Variants in CSNK1G1 observed in about 807,000 individuals in gnomAD.
The protein encoded by CSNK1G1 is casein kinase 1 gamma 1.
A neutral mutation model predicts 59.6 loss-of-function variants in CSNK1G1; 22 were observed. The ratio of observed to expected loss-of-function variants is 0.37; its 90% CI spans 0.26 to 0.53. The LOEUF is 0.53. CSNK1G1 is among the 20% of genes least tolerant of loss of function. CSNK1G1 has a pLI of 0.89. For synonymous variants in CSNK1G1, 179 were observed against 177.1 expected (o/e 1.01, Z -0.08); for missense variants, 384 against 519.5 (o/e 0.74, Z 2.54).
intron 4 of CSNK1G1, 120 bp downstream of exon 4, chr15:64,251,392 G>A (rs561171112): frequency 3.1e-5 from 20 of 654,650 alleles, no homozygotes; most frequent in Admixed American, 5.3e-5. Flanking sequence ...TTACCTATCC[G>A]GCAAGCAGGG....
chr15:64,272,216 CT>C lies in CSNK1G1; in HGVS notation c.182-12976del, dbSNP rs982156703. Among the ~76,000 whole-genome samples the C allele has an allele frequency of 4.8e-3, 697 of 146,166 alleles. 4 individuals carry two copies. Among genetic ancestry groups the C allele is most frequent in the East Asian group, 0.03 (152 of 5,046 alleles). Reference sequence around the variant, plus strand: ...TTTTATCCAGCTTGCCACTCTGTGACTTTTTTTTTTTTCTTTTGAGATGGAG... The same window carrying C: ...TTTTATCCAGCTTGCCACTCTGTGACTTTTTTTTTTTCTTTTGAGATGGAG... On this transcript the variant is annotated intron_variant, in intron 2 of 11. Transcript: ENST00000303052.
intron 4 of CSNK1G1, among the ~76,000 whole-genome samples, chr15:64,218,989 G>T (rs113283408): frequency 6.6e-6 from 1 of 151,686 alleles, no homozygotes; most frequent in Non-Finnish European, 1.5e-5. Flanking sequence ...TGAGTAGCTG[G>T]GATTACAGGT....
chr15:64,211,142 G>C lies in CSNK1G1; in HGVS notation c.679+2748C>G, dbSNP rs150522909. ...GTATTCCTTTATAGCAACACAAAAT[G>C]GACTAAGTAAGTGTGGCTACTCTGA... On this transcript the variant is annotated intron_variant, in intron 6 of 11. Transcript: ENST00000303052. 7.6e-4 allele frequency among the ~76,000 whole-genome samples: 116 copies of C among 152,278 alleles called. 2 individuals are homozygous for C. The East Asian group carries it at 0.019, about 25-fold the overall frequency.
At position 64,166,322 on chromosome 15, in the gene CSNK1G1, G is replaced by T; in HGVS notation, c.*5609C>A. ...CTGAATCAACATTATTTTCCATTGG[G>T]GGGTATATATTTTTGGTTTATCTTT... On this transcript the variant is annotated 3_prime_UTR_variant, in exon 12 of 12. Transcript: ENST00000303052. This position sits in a 1 kb window ranked among gnomAD's most constrained non-coding sequence, Gnocchi z 4.5. The T allele has an allele frequency of 3.5e-6, 1 of 281,978 alleles. No individual in the cohort carries two copies. Among genetic ancestry groups the T allele is most frequent in the Non-Finnish European group, 6.5e-6 (1 of 153,782 alleles). 17.5% of individuals were successfully genotyped at this position (281,978 alleles called of 1,614,324 possible).
rs146272779 is a variant in CSNK1G1 at position 64,255,854 on chromosome 15, G to GA, written c.222+3346dup. Among the ~76,000 whole-genome samples the GA allele has an allele frequency of 6.8e-3, 1,039 of 152,272 alleles. 15 individuals are homozygous for GA. Among genetic ancestry groups the GA allele is most frequent in the African/African-American group, 0.023 (956 of 41,550 alleles). On this transcript the variant is annotated intron_variant, in intron 3 of 11. Coordinates refer to ENST00000303052, the MANE Select transcript of CSNK1G1 (RefSeq NM_022048.5). ...ATTTTCTCTAAATCAATTCAGGCCA[G>GA]ACTGGAATGTTTGTATCTGTAGGAA...
At chr15:64,189,618 T>G (rs2081942882) in intron 10 of CSNK1G1, 1 of 356,552 alleles carries the variant, frequency 2.8e-6, no homozygotes, top group Non-Finnish European at 4.2e-6. Flanking sequence ...GAAAGGACTA[T>G]AAATCTTACA....
intron 10 of CSNK1G1, among the ~76,000 whole-genome samples, chr15:64,201,971 A>C (rs1052699130): frequency 1.2e-4 from 18 of 152,282 alleles, no homozygotes; most frequent in African/African-American, 4.1e-4. Context: ...CAATATATTT[A>C]ATATAAAGAT....
At chr15:64,288,334 G>A (rs961610858) in intron 2 of CSNK1G1, among the ~76,000 whole-genome samples, 1 of 152,124 alleles carries the variant, frequency 6.6e-6, no homozygotes, top group Non-Finnish European at 1.5e-5. Flanking sequence ...GGCAAGGTAT[G>A]TACGTCATTA....
chr15:64,335,381 G>C (rs1897336088), intron 1 of CSNK1G1, among the ~76,000 whole-genome samples: 1 of 152,088 alleles, frequency 6.6e-6, no homozygotes, highest in African/African-American at 2.4e-5. Context: ...CAAAGGTCCT[G>C]ATCCTCATTT....
chr15:64,307,467 A>C (rs1204472470), intron 1 of CSNK1G1, among the ~76,000 whole-genome samples: 1 of 152,106 alleles, frequency 6.6e-6, no homozygotes, highest in African/African-American at 2.4e-5. Flanking sequence ...TAGTCCCAGC[A>C]CTTTGGGAGG....
chr15:64,335,854 T>C (rs537944833), intron 1 of CSNK1G1: 1 of 152,282 alleles, frequency 6.6e-6, no homozygotes, highest in African/African-American at 2.4e-5. Context: ...TCATTTCATT[T>C]CAAAAACCTA....
chr15:64,268,878 A>C (rs1349950482), intron 2 of CSNK1G1, among the ~76,000 whole-genome samples: 2 of 152,186 alleles, frequency 1.3e-5, no homozygotes, highest in African/African-American at 4.8e-5. Context: ...TAAAATTAAA[A>C]TTCTAGCCTA....
At chr15:64,178,477 A>ATTTT (rs1294662926) in intron 11 of CSNK1G1, among the ~76,000 whole-genome samples, 2 of 130,668 alleles carry the variant, frequency 1.5e-5, no homozygotes, top group Non-Finnish European at 3.2e-5. Context: ...CCAAGCAAAA[A>ATTTT]TTTTCTTTTT....
intron 10 of CSNK1G1, chr15:64,189,401 T>C: frequency 7.8e-7 from 1 of 1,277,464 alleles, no homozygotes; most frequent in Non-Finnish European, 1.0e-6. Flanking sequence ...TCCAGAAGAA[T>C]CTGTTTAGGT....
chr15:64,217,149 G>A (rs774123222), intron 4 of CSNK1G1, among the ~76,000 whole-genome samples: 1 of 152,230 alleles, frequency 6.6e-6, no homozygotes, highest in African/African-American at 2.4e-5. Flanking sequence ...AGCCACATGG[G>A]CTATTTGGAA....
rs202186718 is a variant in CSNK1G1, at chr15:64,314,567, A to T, written c.-224-13844T>A. Among the ~76,000 whole-genome samples, 124 of 149,546 alleles carry T rather than the reference A, an allele frequency of 8.3e-4. 1 individual carries two copies. In the East Asian group the frequency reaches 0.013, roughly 16 times the overall value. On this transcript the variant is annotated intron_variant, in intron 1 of 11. Transcript: ENST00000303052. ...TTCACCACACTGTACCACAGAATTA[A>T]AAAAAAAAAAAAAAAACATATCCCT... is the stretch of plus-strand genomic sequence containing the variant.
chr15:64,310,766 G>C (rs1749135890), intron 1 of CSNK1G1, among the ~76,000 whole-genome samples: 1 of 152,182 alleles, frequency 6.6e-6, no homozygotes, highest in South Asian at 2.1e-4. Flanking sequence ...CAGCACTTTG[G>C]GAGGCCGAGG....
In CSNK1G1 at chr15:64,200,645, C is replaced by T. The variant is rs188006780; in HGVS notation, c.1107+2437G>A. On this transcript the variant is annotated intron_variant, in intron 10 of 11. Transcript: ENST00000303052. The surrounding 1 kb of genome is among the most constrained non-coding windows in gnomAD (Gnocchi z 4.3). ...ACAGGCGTGAGCCACTGCGCCTGGC[C>T]GCATTATAGAGTAATAAAACTTCAT... Among the ~76,000 whole-genome samples, 22 of 152,230 alleles carry T rather than the reference C, an allele frequency of 1.4e-4. No homozygotes were observed. Among genetic ancestry groups the T allele is most frequent in the African/African-American group, 5.1e-4 (21 of 41,554 alleles).
chr15:64,262,584 T>G (rs1015229885), intron 2 of CSNK1G1, among the ~76,000 whole-genome samples: 1 of 152,058 alleles, frequency 6.6e-6, no homozygotes, highest in Non-Finnish European at 1.5e-5. Context: ...ATGAATAATA[T>G]CCAATGCCAG....
Sources: gnomAD v4.1 joint callset for allele counts (sites outside exome capture counted in the v4.1 genomes callset) on GRCh38, gnomAD v4.1.1 for gene constraint, Gnocchi (gnomAD v3.1) non-coding constraint, MANE v1.5 for transcripts, NCBI Gene and HGNC (gene_info 2026-07-23, HGNC 2026-07-21) for gene names.